The following ZFHX3 variants were observed in gnomAD, a reference collection of about 807,000 sequenced individuals.
ZFHX3 encodes the protein zinc finger homeobox protein 3.
Under a neutral mutation model 279.1 loss-of-function variants are expected in ZFHX3, and 42 were observed. The observed-to-expected ratio is 0.15, with a 90% CI of 0.12 to 0.19. The LOEUF (loss-of-function observed/expected upper bound fraction) is 0.19. ZFHX3 is among the 10% of genes least tolerant of loss of function. The pLI is 1.00. For missense variants in ZFHX3, 4,981 were observed against 4,754.0 expected (o/e 1.05, Z -1.40); for synonymous variants, 2,293 against 1,957.8 (o/e 1.17, Z -4.52).
chr16:73,179,800 A>C (rs779337039), intron 5 of ZFHX3, among the ~76,000 whole-genome samples: 11 of 152,104 alleles, frequency 7.2e-5, no homozygotes, highest in Non-Finnish European at 1.5e-4. Context: ...CTCCGCTTTT[A>C]GCAAACTCGA....
intron 3 of ZFHX3, among the ~76,000 whole-genome samples, chr16:73,327,482 T>C (rs967462418): frequency 1.3e-5 from 2 of 152,192 alleles, no homozygotes; most frequent in African/African-American, 4.8e-5. Context: ...GGATGACCAA[T>C]GGTTGGATGA....
chr16:73,653,003 A>T (rs1395664671), intron 2 of ZFHX3, among the ~76,000 whole-genome samples: 1 of 152,170 alleles, frequency 6.6e-6, no homozygotes, highest in Non-Finnish European at 1.5e-5. Flanking sequence ...CAAAATAAAG[A>T]TACAAAATAT....
chr16:73,150,745 G>T (rs568176402), intron 5 of ZFHX3, among the ~76,000 whole-genome samples: 1 of 152,208 alleles, frequency 6.6e-6, no homozygotes, highest in Admixed American at 6.5e-5. Context: ...GCAAACTCCC[G>T]GATGACAGAG....
Position 73,867,641 on chromosome 16 carries a change from T to C in ZFHX3, c.-1608+24010A>G, listed in dbSNP as rs913289922. 2.0e-5 allele frequency among the ~76,000 whole-genome samples: 3 copies of C among 152,218 alleles called. No homozygotes were observed. The East Asian group carries it at 5.8e-4, about 29-fold the overall frequency. On this transcript the variant is annotated intron_variant, in intron 1 of 17. Coordinates refer to the ZFHX3 transcript ENST00000641206. ...GGTACTTAACACTTTACAGTTGTGATAGTTAATAAGTATGTTTAGTAAGAA... is the reference window on the plus strand; with the variant it reads ...GGTACTTAACACTTTACAGTTGTGACAGTTAATAAGTATGTTTAGTAAGAA...
intron 2 of ZFHX3, among the ~76,000 whole-genome samples, chr16:73,509,338 A>G (rs996743562): frequency 2.0e-5 from 3 of 151,662 alleles, no homozygotes; most frequent in African/African-American, 7.3e-5. Flanking sequence ...TTTCCCTACC[A>G]ACTTCCCTTC....
chr16:73,514,258 T>TA (rs943986496), intron 2 of ZFHX3, among the ~76,000 whole-genome samples: 1 of 151,542 alleles, frequency 6.6e-6, no homozygotes. Context: ...AAAAAAAAAA[T>TA]AAAAAATAAA....
intron 3 of ZFHX3, among the ~76,000 whole-genome samples, chr16:72,894,749 ACT>A (rs2038855793): frequency 6.6e-6 from 1 of 152,206 alleles, no homozygotes; most frequent in African/African-American, 2.4e-5. Flanking sequence ...CCAGTGGTGC[ACT>A]CAAGAAAGGA....
chr16:73,583,594 G>C (rs2051884346), intron 2 of ZFHX3, among the ~76,000 whole-genome samples: 1 of 152,148 alleles, frequency 6.6e-6, no homozygotes, highest in South Asian at 2.1e-4. Flanking sequence ...ATCACTACCT[G>C]GGATTTGGGT....
At chr16:73,631,188 C>A (rs572933281) in intron 2 of ZFHX3, among the ~76,000 whole-genome samples, 3 of 152,300 alleles carry the variant, frequency 2.0e-5, no homozygotes, top group Admixed American at 6.5e-5. Context: ...ATTTTACCCA[C>A]CTCCTTGAGT....
chr16:72,946,145 C>T (rs1311970781), intron 3 of ZFHX3, among the ~76,000 whole-genome samples: 1 of 152,210 alleles, frequency 6.6e-6, no homozygotes, highest in Non-Finnish European at 1.5e-5. Context: ...CCGTACTGCA[C>T]AATCCTCCTA....
At chr16:73,306,390 G>C (rs2015180914) in intron 4 of ZFHX3, among the ~76,000 whole-genome samples, 1 of 152,160 alleles carries the variant, frequency 6.6e-6, no homozygotes, top group Non-Finnish European at 1.5e-5. Flanking sequence ...TGCCATCTCG[G>C]CTCACTGTAA....
chr16:72,876,891 G>A lies in ZFHX3; in HGVS notation c.3448+12840C>T, dbSNP rs191251082. ...TATGCCAACATCCTTCCCTCTGGGG[G>A]TCTTTCAACGTGAGCCTGACAATCC... On this transcript the variant is annotated intron_variant, in intron 4 of 9. Transcript: ENST00000268489. Among the ~76,000 whole-genome samples the A allele has an allele frequency of 1.8e-4, 27 of 152,218 alleles. No individual in the cohort carries two copies. In the East Asian group the frequency reaches 5.0e-3, roughly 28 times the overall value.
intron 7 of ZFHX3, among the ~76,000 whole-genome samples, chr16:72,805,469 T>C (rs907685696): frequency 6.6e-6 from 1 of 152,116 alleles, no homozygotes; most frequent in Admixed American, 6.6e-5. Flanking sequence ...TGAAAATCAA[T>C]AGAATGAAGA....
At chr16:73,140,232 T>A (rs913056425) in intron 6 of ZFHX3, among the ~76,000 whole-genome samples, 11 of 151,822 alleles carry the variant, frequency 7.2e-5, no homozygotes, top group African/African-American at 2.7e-4. Flanking sequence ...CTACACTCCA[T>A]CCTGGGAGAC....
chr16:72,847,393 G>A (rs2037507079), intron 4 of ZFHX3, among the ~76,000 whole-genome samples: 1 of 152,186 alleles, frequency 6.6e-6, no homozygotes. Context: ...AAGGCAGCTA[G>A]GTGCAGGCAG....
chr16:72,943,309 G>A (rs1020939719), intron 3 of ZFHX3, among the ~76,000 whole-genome samples: 5 of 152,156 alleles, frequency 3.3e-5, no homozygotes, highest in Non-Finnish European at 7.3e-5. Flanking sequence ...CAAGGTGGGT[G>A]GATCACCCAA....
chr16:73,352,011 A>C (rs1203555356), intron 3 of ZFHX3, among the ~76,000 whole-genome samples: 1 of 152,246 alleles, frequency 6.6e-6, no homozygotes, highest in Non-Finnish European at 1.5e-5. Flanking sequence ...CAAATAAAAT[A>C]ACTTCTCCCT....
At chr16:73,172,555 G>GT (rs759866009) in intron 5 of ZFHX3, among the ~76,000 whole-genome samples, 12 of 152,244 alleles carry the variant, frequency 7.9e-5, no homozygotes, top group Non-Finnish European at 1.5e-4. Context: ...GATGGGGTGT[G>GT]TGAGGATGGC....
intron 4 of ZFHX3, among the ~76,000 whole-genome samples, chr16:73,304,521 G>T (rs943023957): frequency 6.6e-6 from 1 of 152,038 alleles, no homozygotes; most frequent in African/African-American, 2.4e-5. Context: ...TAATCTGCCC[G>T]GTCCCATCCC....
Sources: gnomAD v4.1 joint callset for allele counts (sites outside exome capture counted in the v4.1 genomes callset) on GRCh38, gnomAD v4.1.1 for gene constraint, MANE v1.5 for transcripts, NCBI Gene and HGNC (gene_info 2026-07-23, HGNC 2026-07-21) for gene names.